IQCJ: variants seen among roughly 807,000 people sequenced by gnomAD.
IQCJ encodes IQ domain-containing protein J.
Under a neutral mutation model 11.0 loss-of-function variants are expected in IQCJ, and 9 were observed. The observed-to-expected ratio is 0.82, with a 90% CI of 0.49 to 1.43. IQCJ has a LOEUF of 1.43. Ranked by LOEUF, IQCJ falls within the 40% of genes most tolerant of loss-of-function variation. The probability of loss-of-function intolerance (pLI) is 0.00; values close to 1 mark genes in which losing one functional copy is unlikely to be tolerated. For synonymous variants in IQCJ, 55 were observed against 51.3 expected, an observed-to-expected ratio of 1.07 and a Z score of -0.31; for missense variants, 146 against 133.2, an observed-to-expected ratio of 1.10 and a Z score of -0.47.
At chr3:159,246,751 G>GA (rs1727296305) in intron 2 of IQCJ, among the ~76,000 whole-genome samples, 1 of 152,200 alleles carries the variant, frequency 6.6e-6, no homozygotes, top group South Asian at 2.1e-4. Flanking sequence ...GTAGCTTGGA[G>GA]AAAAGAAGTC....
chr3:159,241,541 C>T (rs1321800344), intron 1 of IQCJ, among the ~76,000 whole-genome samples: 1 of 152,202 alleles, frequency 6.6e-6, no homozygotes, highest in African/African-American at 2.4e-5. Context: ...CCTTTTGTCT[C>T]TTTTTCCTTT....
At chr3:159,247,491 C>CCTGTAGAAATGTGA (rs763407475) in intron 2 of IQCJ, among the ~76,000 whole-genome samples, 5 of 152,096 alleles carry the variant, frequency 3.3e-5, no homozygotes, top group Non-Finnish European at 4.4e-5. Flanking sequence ...AATGGACAGC[C>CCTGTAGAAATGTGA]CTGTAGAAAT....
At chr3:159,259,211 C>T (rs1370070162) in intron 3 of IQCJ, among the ~76,000 whole-genome samples, 2 of 152,122 alleles carry the variant, frequency 1.3e-5, no homozygotes, top group South Asian at 2.1e-4. Context: ...AGGGCAGAGG[C>T]AGGCAGATTG....
chr3:159,260,587 G>A (rs957044239), intron 3 of IQCJ, among the ~76,000 whole-genome samples: 78 of 152,278 alleles, frequency 5.1e-4, no homozygotes, highest in Admixed American at 2.0e-3. Context: ...ACTCCTCTCT[G>A]ATATAACGGG....
intron 1 of IQCJ, among the ~76,000 whole-genome samples, chr3:159,147,317 G>GT (rs1397305815): frequency 6.6e-6 from 1 of 152,186 alleles, no homozygotes; most frequent in Non-Finnish European, 1.5e-5. Context: ...TCAGCAGGTC[G>GT]TAAGAAATGT....
chr3:159,093,279 C>T (rs6799097), intron 1 of IQCJ, among the ~76,000 whole-genome samples: 112,311 of 151,642 alleles, frequency 0.74, 41,940 homozygotes, highest in East Asian at 0.83. Context: ...TGTTTCCAGC[C>T]AGCCTTTGCC....
intron 1 of IQCJ, among the ~76,000 whole-genome samples, chr3:159,075,357 A>G (rs1382204506): frequency 1.3e-5 from 2 of 152,110 alleles, no homozygotes; most frequent in Non-Finnish European, 2.9e-5. Flanking sequence ...TTTTTAAGAG[A>G]TAATCAAATT....
intron 1 of IQCJ, among the ~76,000 whole-genome samples, chr3:159,218,120 C>G (rs918213752): frequency 7.9e-5 from 12 of 151,740 alleles, no homozygotes; most frequent in Admixed American, 1.3e-4. Flanking sequence ...TTAGACAAGT[C>G]TCATAAACAA....
intron 1 of IQCJ, among the ~76,000 whole-genome samples, chr3:159,231,215 C>A (rs1726227537): frequency 6.6e-6 from 1 of 152,206 alleles, no homozygotes; most frequent in South Asian, 2.1e-4. Context: ...CTCTACCCAG[C>A]ATAGCCACAT....
At chr3:159,109,478 A>G (rs933937287) in intron 1 of IQCJ, among the ~76,000 whole-genome samples, 2 of 151,838 alleles carry the variant, frequency 1.3e-5, no homozygotes, top group Admixed American at 6.6e-5. Flanking sequence ...AAATTTCTCA[A>G]AAGTTAAGAA....
chr3:159,079,563 A>T (rs533013622), intron 1 of IQCJ, among the ~76,000 whole-genome samples: 1 of 152,302 alleles, frequency 6.6e-6, no homozygotes, highest in South Asian at 2.1e-4. Flanking sequence ...AGAAAATAAA[A>T]ATCCTTAGAA....
intron 1 of IQCJ, among the ~76,000 whole-genome samples, chr3:159,116,642 A>C (rs9839602): frequency 2.3e-4 from 8 of 34,956 alleles, no homozygotes; most frequent in Non-Finnish European, 3.3e-4. Context: ...ATATATATAT[A>C]TATATATATA....
chr3:159,081,117 C>T (rs1716277441), intron 1 of IQCJ, among the ~76,000 whole-genome samples: 1 of 152,116 alleles, frequency 6.6e-6, no homozygotes, highest in African/African-American at 2.4e-5. Context: ...TCAAGTCCCC[C>T]ATCTTGCTGC....
intron 1 of IQCJ, among the ~76,000 whole-genome samples, chr3:159,235,976 A>G (rs1006709928): frequency 1.1e-4 from 17 of 152,204 alleles, no homozygotes; most frequent in African/African-American, 4.1e-4. Context: ...CTCAGTGATT[A>G]CTGCTGTAAG....
At position 159,145,905 on chromosome 3, in the gene IQCJ, G is replaced by A. The variant is rs376587152; in HGVS notation, c.9+76464G>A. ...GGAACAGGATGGAAAATTTAGACCC[G>A]CATACATCAAAATGAAGAACCATTA... On this transcript the variant is annotated intron_variant, in intron 1 of 3. Transcript: ENST00000397832. 6.6e-5 allele frequency among the ~76,000 whole-genome samples: 10 copies of A among 152,108 alleles called. No homozygotes were observed. The East Asian group carries it at 1.2e-3, about 18-fold the overall frequency.
chr3:159,081,259 T>C (rs938998412), intron 1 of IQCJ, among the ~76,000 whole-genome samples: 2 of 152,120 alleles, frequency 1.3e-5, no homozygotes, highest in African/African-American at 4.8e-5. Flanking sequence ...CGTTTTCTTT[T>C]GTAAGAGCAA....
intron 1 of IQCJ, among the ~76,000 whole-genome samples, chr3:159,154,213 T>G (rs6766355): frequency 0.029 from 4,410 of 152,248 alleles, 207 homozygotes; most frequent in African/African-American, 0.1. Flanking sequence ...ACACTTAGAT[T>G]GCTTCATAAT....
rs541361441 is a variant in IQCJ at position 159,245,856 on chromosome 3, G to A, written c.23G>A (p.Arg8Lys). 6 of 1,547,104 alleles carry A rather than the reference G, an allele frequency of 3.9e-6. No homozygotes were observed. The African/African-American group carries it at 5.4e-5, about 14-fold the overall frequency. MRLEELK[R>K]LQNPLEQVND... The stretch of plus-strand genomic sequence containing the variant: ...TCTTTTTCACAGGAAGAACTGAAAA[G>A]ATTGCAGAATCCTCTAGAACAAGTT... The change falls in exon 2 of 4, where the codon AGA becomes AAA. Residue 8 changes from arginine to lysine, a missense_variant. Coordinates refer to ENST00000397832, the MANE Select transcript of IQCJ (RefSeq NM_001042706.3).
chr3:159,203,484 C>T (rs1225143935), intron 1 of IQCJ, among the ~76,000 whole-genome samples: 2 of 151,972 alleles, frequency 1.3e-5, no homozygotes, highest in Non-Finnish European at 1.5e-5. Flanking sequence ...CTTTCCCAGC[C>T]GTCTACCCCA....
Sources: allele counts gnomAD v4.1 joint callset (sites outside exome capture counted in the v4.1 genomes callset), GRCh38; gene constraint gnomAD v4.1.1; transcripts MANE v1.5; gene names NCBI Gene and HGNC (gene_info 2026-07-23, HGNC 2026-07-21).